The following NLRP2 variants were observed in gnomAD, a reference collection of about 807,000 sequenced individuals.
The protein encoded by NLRP2 is NACHT, LRR and PYD domains-containing protein 2.
In NLRP2, 107 loss-of-function variants were observed where a neutral mutation model predicts 97.2. That is an observed-to-expected ratio of 1.10 (90% CI 0.94 to 1.29). NLRP2 has a LOEUF of 1.29. Ranked by LOEUF, NLRP2 falls within the 50% of genes most tolerant of loss-of-function variation. The pLI is 0.00. For synonymous variants in NLRP2, 663 were observed against 551.5 expected (o/e 1.20, Z -2.83); for missense variants, 1,495 against 1,330.3 (o/e 1.12, Z -1.93).
chr19:54,970,354 T>C, intron 2 of NLRP2, 59 bp downstream of exon 2: 1 of 1,602,152 alleles, frequency 6.2e-7, no homozygotes, highest in South Asian at 1.1e-5. Flanking sequence ...TCTCCAGGAC[T>C]TTAGAAATTC....
At chr19:54,968,948 G>T (rs1157078462) in intron 1 of NLRP2, among the ~76,000 whole-genome samples, 1 of 151,592 alleles carries the variant, frequency 6.6e-6, no homozygotes, top group African/African-American at 2.4e-5. Flanking sequence ...CGATCCGCCC[G>T]CCTCGGCCTC....
At position 54,983,628 on chromosome 19, in the gene NLRP2, G is replaced by T. The variant is rs555672988; in HGVS notation, c.1930G>T (p.Val644Phe). The T allele has an allele frequency of 6.2e-7, 1 of 1,614,114 alleles. No homozygotes were observed. ...AVDVVPSSFC[V>F]KHCRNLQKMS... ...AGACGTTGTGCCATCTTCATTCTGC[G>T]TCAAGCACTGTCGAAACCTGCAGAA... Residue 644 changes from valine (V) to phenylalanine (F), a missense_variant, in exon 6 of 13, where the codon GTC becomes TTC. By Grantham distance (50) the Val-to-Phe change is conservative (BLOSUM62 -1). Transcript: ENST00000448584.
chr19:54,997,222 A>G (rs1373581536), intron 11 of NLRP2, 95 bp from the exon 12 acceptor site: 7 of 1,297,728 alleles, frequency 5.4e-6, no homozygotes, highest in Non-Finnish European at 7.8e-6. Flanking sequence ...TCTGTTGGTC[A>G]TGCAGATCCC....
chr19:54,986,437 G>A (rs1373845036), intron 8 of NLRP2, 122 bp downstream of exon 8: 6 of 826,420 alleles, frequency 7.3e-6, no homozygotes, highest in Non-Finnish European at 1.2e-5. Context: ...ACTAAGGGCA[G>A]ATGACCCAGG....
At chr19:54,996,614 T>C (rs1289657342) in intron 11 of NLRP2, among the ~76,000 whole-genome samples, 1 of 152,146 alleles carries the variant, frequency 6.6e-6, no homozygotes, top group Non-Finnish European at 1.5e-5. Context: ...GGGTCTTCTG[T>C]GAGCTGGCCA....
chr19:55,000,486 G>A (rs1327545246), intron 12 of NLRP2, among the ~76,000 whole-genome samples: 1 of 150,250 alleles, frequency 6.7e-6, no homozygotes, highest in Non-Finnish European at 1.5e-5. Flanking sequence ...CACCGTGTTA[G>A]CCAGGATGGT....
intron 7 of NLRP2, among the ~76,000 whole-genome samples, chr19:54,985,614 G>T (rs1231097419): frequency 1.4e-5 from 2 of 145,706 alleles, no homozygotes; most frequent in African/African-American, 5.2e-5. Context: ...GGAGGCGGAG[G>T]TTGCAGTGAA....
chr19:54,982,292 C>T lies in NLRP2; in HGVS notation c.594C>T (p.Pro198=). 2 of 1,614,106 alleles carry T rather than the reference C, an allele frequency of 1.2e-6. No homozygotes were observed. Among genetic ancestry groups the T allele is most frequent in the East Asian group, 2.2e-5 (1 of 44,880 alleles). The change falls in exon 6 of 13, where the codon CCC becomes CCT. Residue 198 remains proline (P), a synonymous_variant. Coordinates refer to ENST00000448584, the MANE Select transcript of NLRP2 (RefSeq NM_017852.5). The part of the protein sequence containing the change: ...RYKMLIPFSN[P]RVLPGPFSYT... The stretch of plus-strand genomic sequence containing the variant: ...AGATGCTGATCCCATTCAGCAACCC[C>T]AGGGTGCTTCCCGGGCCCTTCTCAT...
chr19:54,969,853 C>T (rs571021757), intron 1 of NLRP2, 146 bp from the exon 2 acceptor site: 13 of 777,252 alleles, frequency 1.7e-5, no homozygotes, highest in Middle Eastern at 6.9e-4. Context: ...ATGGGGGTCT[C>T]ACTATGTTGC....
At chr19:54,992,772 T>C (rs556452205) in intron 10 of NLRP2, among the ~76,000 whole-genome samples, 1 of 152,030 alleles carries the variant, frequency 6.6e-6, no homozygotes, top group African/African-American at 2.4e-5. Flanking sequence ...TTGGTCAAGC[T>C]GGTCTCGAAT....
At chr19:54,968,325 C>A (rs1005641645) in intron 1 of NLRP2, among the ~76,000 whole-genome samples, 38 of 151,638 alleles carry the variant, frequency 2.5e-4, no homozygotes, top group Non-Finnish European at 4.4e-5. Flanking sequence ...GGATTGCAAG[C>A]GTCAGCCACC....
At position 54,974,573 on chromosome 19, in the gene NLRP2, C is replaced by G. The variant is rs369119180; in HGVS notation, c.325+29C>G. 7.4e-5 allele frequency: 107 copies of G among 1,455,462 alleles called. No individual in the cohort carries two copies. The African/African-American group carries it at 1.4e-3, about 20-fold the overall frequency. The allele number at this position is 1,455,462 out of a possible 1,614,324, so 90.2% of individuals were successfully genotyped here. On this transcript the variant is annotated intron_variant, in intron 3 of 12. Transcript: ENST00000448584. Reference sequence around the variant, plus strand: ...AGTTACCTCATTTATAACTTTTATTCTTCATGTGAGATCTGGGGACTCGGG... The same window carrying G: ...AGTTACCTCATTTATAACTTTTATTGTTCATGTGAGATCTGGGGACTCGGG...
chr19:54,972,326 G>A (rs1364017988), intron 2 of NLRP2, among the ~76,000 whole-genome samples: 2 of 151,864 alleles, frequency 1.3e-5, no homozygotes, highest in Admixed American at 6.6e-5. Context: ...GGATTATACA[G>A]GCACCTGCCA....
At chr19:54,993,603 G>A (rs979954727) in intron 10 of NLRP2, 2 of 159,070 alleles carry the variant, frequency 1.3e-5, no homozygotes, top group African/African-American at 4.8e-5. Context: ...CAGCATGTTA[G>A]GGAGGCCAGG....
rs189450393 is a variant in NLRP2, at chr19:54,985,187, C to T, written c.2171C>T (p.Ala724Val). 422 of 1,614,028 alleles carry T rather than the reference C, an allele frequency of 2.6e-4. 1 individual carries two copies. In the Admixed American group the frequency reaches 6.6e-3, roughly 25 times the overall value. ...GTAAGGATCCTGTGTGAACAAATAG[C>T]CTCTGACACCTGTCATCTCCAGAGA... The part of the protein sequence containing the change: ...SLVRILCEQI[A>V]SDTCHLQRVV... The change falls in exon 7 of 13, where the codon GCC becomes GTC. Residue 724 changes from alanine (A) to valine (V), a missense_variant. Physicochemically the swap from Ala to Val is moderately conservative, Grantham distance 64. Transcript: ENST00000448584.
chr19:54,992,301 G>A (rs1021397317), intron 10 of NLRP2, among the ~76,000 whole-genome samples: 53 of 151,950 alleles, frequency 3.5e-4, no homozygotes, highest in African/African-American at 1.2e-3. Flanking sequence ...TCTAGGATAT[G>A]TACCTGGCAT....
chr19:54,998,025 C>CTTTTTTTTTTT (rs757893808), intron 12 of NLRP2, among the ~76,000 whole-genome samples: 12 of 127,296 alleles, frequency 9.4e-5, no homozygotes, highest in African/African-American at 3.5e-4. Flanking sequence ...TTTTTTCTTT[C>CTTTTTTTTTTT]TTTTTTTTTT....
intron 12 of NLRP2, among the ~76,000 whole-genome samples, chr19:54,998,454 A>T (rs549690612): frequency 6.6e-6 from 1 of 152,286 alleles, no homozygotes; most frequent in South Asian, 2.1e-4. Flanking sequence ...AACATAGATT[A>T]CTTGTTTATT....
chr19:54,998,166 G>A (rs1311634903), intron 12 of NLRP2, among the ~76,000 whole-genome samples: 4 of 151,632 alleles, frequency 2.6e-5, no homozygotes, highest in African/African-American at 7.3e-5. Flanking sequence ...TTACAGGCAT[G>A]CACCACCACA....
Sources: allele counts gnomAD v4.1 joint callset (sites outside exome capture counted in the v4.1 genomes callset), GRCh38; gene constraint gnomAD v4.1.1; transcripts MANE v1.5; gene names NCBI Gene and HGNC (gene_info 2026-07-23, HGNC 2026-07-21).